The following SLC19A1 variants were observed in gnomAD, a reference collection of about 807,000 sequenced individuals.
The protein encoded by SLC19A1 is reduced folate transporter.
A neutral mutation model predicts 35.3 loss-of-function variants in SLC19A1; 37 were observed. The observed-to-expected ratio is 1.05, with a 90% CI of 0.81 to 1.38. The LOEUF is 1.38. SLC19A1 is among the 40% of genes most tolerant of loss of function. SLC19A1 has a pLI of 0.00. For synonymous variants in SLC19A1, 460 were observed against 398.5 expected, an observed-to-expected ratio of 1.15 and a Z score of -1.84; for missense variants, 831 against 826.9, an observed-to-expected ratio of 1.00 and a Z score of -0.06.
downstream of SLC19A1, chr21:45,509,289 G>A (rs1304267784): frequency 5.2e-6 from 8 of 1,531,200 alleles, no homozygotes; most frequent in Admixed American, 3.9e-5. Flanking sequence ...CCCAGAGGAG[G>A]ACACAGATGG....
upstream of SLC19A1, among the ~76,000 whole-genome samples, chr21:45,542,782 C>A (rs1203109942): frequency 6.6e-6 from 1 of 151,666 alleles, no homozygotes; most frequent in South Asian, 2.1e-4. Context: ...CCCTCTCCCC[C>A]GCGTTCTTCC....
Position 45,534,807 on chromosome 21 carries a change from TCA to T in SLC19A1, c.190-2661_190-2660del. On this transcript the variant is annotated intron_variant, in intron 2 of 5. Transcript: ENST00000311124. The surrounding 1 kb of genome is among the most constrained non-coding windows in gnomAD (Gnocchi z 4.2). ...TACAAGGCTGCTGGGGGAGGGGCCCTCACAACGGTCCCAGCAGGGAGGTGGCA... is the reference window on the plus strand; with the variant it reads ...TACAAGGCTGCTGGGGGAGGGGCCCTCAACGGTCCCAGCAGGGAGGTGGCA... The T allele has an allele frequency of 1.7e-6, 1 of 581,176 alleles. No individual in the cohort carries two copies. Among genetic ancestry groups the T allele is most frequent in the Non-Finnish European group, 3.1e-6 (1 of 325,898 alleles). 36.0% of individuals were successfully genotyped at this position (581,176 alleles called of 1,614,324 possible).
intron 1 of SLC19A1, chr21:45,541,952 G>C (rs2078319764): frequency 6.6e-6 from 1 of 152,330 alleles, no homozygotes; most frequent in African/African-American, 2.4e-5. Context: ...CGAGCGGCGG[G>C]AAACCCGCTG....
At chr21:45,507,055 C>T (rs367897880) in intron 3 of SLC19A1, 7 of 326,652 alleles carry the variant, frequency 2.1e-5, no homozygotes, top group East Asian at 6.9e-5. Context: ...TCCTAGCAAA[C>T]GCGTGCTGGG....
In SLC19A1 at chr21:45,505,922, G is replaced by T. The variant is rs1335050702; in HGVS notation, c.498-7310C>A. 1.2e-6 allele frequency: 2 copies of T among 1,613,210 alleles called. No individual in the cohort carries two copies. Among genetic ancestry groups the T allele is most frequent in the Non-Finnish European group, 1.7e-6 (2 of 1,179,964 alleles). The stretch of plus-strand genomic sequence containing the variant: ...CTGGCTCATCTTCGTGGCCGAGCAG[G>T]AGGAGCTCTACGTCCGCGTGCAGAA... On this transcript the variant is annotated intron_variant, in intron 3 of 4. Coordinates refer to the SLC19A1 transcript ENST00000417954.
At chr21:45,505,427 CAG>C in intron 3 of SLC19A1, 1 of 1,542,344 alleles carries the variant, frequency 6.5e-7, no homozygotes, top group Non-Finnish European at 8.9e-7. Context: ...GGCGCCTCCT[CAG>C]GGGTAAGTGT....
chr21:45,534,175 A>G lies in SLC19A1; in HGVS notation c.190-2027T>C, dbSNP rs2078029929. ...GTCACAGAGAGCCTCAGGGCCAGCCATCGGCTTCTGCACTGTGTTTACAGC... is the reference window on the plus strand; with the variant it reads ...GTCACAGAGAGCCTCAGGGCCAGCCGTCGGCTTCTGCACTGTGTTTACAGC... On this transcript the variant is annotated intron_variant, in intron 2 of 5. Transcript: ENST00000311124. The surrounding 1 kb of genome is among the most constrained non-coding windows in gnomAD (Gnocchi z 4.2). Among the ~76,000 whole-genome samples the G allele has an allele frequency of 6.6e-6, 1 of 152,136 alleles. No homozygotes were observed. Among genetic ancestry groups the G allele is most frequent in the Non-Finnish European group, 1.5e-5 (1 of 68,018 alleles).
intron 4 of SLC19A1, among the ~76,000 whole-genome samples, chr21:45,529,357 C>G (rs1306987691): frequency 6.6e-6 from 1 of 152,142 alleles, no homozygotes; most frequent in Non-Finnish European, 1.5e-5. Context: ...GGCTCGTGAC[C>G]AGCATAAGGC....
At chr21:45,536,346 C>T (rs1365375778) in intron 2 of SLC19A1, 3 of 152,602 alleles carry the variant, frequency 2.0e-5, no homozygotes, top group African/African-American at 7.2e-5. Context: ...TATAAATAAC[C>T]TTGGCGGTGG....
rs2146075478 is a variant in SLC19A1 at position 45,504,554 on chromosome 21, C to T, written c.498-5942G>A. 2.5e-6 allele frequency: 4 copies of T among 1,570,466 alleles called. No homozygotes were observed. Among genetic ancestry groups the T allele is most frequent in the Non-Finnish European group, 1.7e-6 (2 of 1,159,088 alleles). On this transcript the variant is annotated intron_variant, in intron 3 of 4. Coordinates refer to the SLC19A1 transcript ENST00000417954. Reference sequence around the variant, plus strand: ...AGGCCCACGTGGCTACCCTGGGATTCCAGTAAGTCCCAGCCTGTGCAGGCA... The same window carrying T: ...AGGCCCACGTGGCTACCCTGGGATTTCAGTAAGTCCCAGCCTGTGCAGGCA...
Position 45,515,176 on chromosome 21 carries a change from A to G in SLC19A1, c.*482T>C, listed in dbSNP as rs1325510757. ...TTCTACGTCAGTTAAAAAAAAAAAA[A>G]GCATCTTTCAAAAAAGCAAGAGCAC... On this transcript the variant is annotated 3_prime_UTR_variant, in exon 6 of 6. Transcript: ENST00000311124. 1.2e-5 allele frequency: 18 copies of G among 1,459,786 alleles called. No homozygotes were observed. The East Asian group carries it at 3.8e-4, about 31-fold the overall frequency. The allele number at this position is 1,459,786 out of a possible 1,614,324, so 90.4% of individuals were successfully genotyped here.
At chr21:45,528,388 G>A (rs991257739) in intron 4 of SLC19A1, among the ~76,000 whole-genome samples, 5 of 152,132 alleles carry the variant, frequency 3.3e-5, no homozygotes, top group Admixed American at 2.0e-4. Context: ...TCAGCAGGGA[G>A]GAAAGCGAGT....
chr21:45,515,211 C>A lies in SLC19A1; in HGVS notation c.*447G>T. 1 of 1,516,582 alleles carries A rather than the reference C, an allele frequency of 6.6e-7. No individual in the cohort carries two copies. 93.9% of individuals were successfully genotyped at this position (1,516,582 alleles called of 1,614,324 possible). Reference sequence around the variant, plus strand: ...AAAAAAGCAAGAGCACCAAGGATGACCAGCAATGTCACAGCTCAGCTACAC... The same window carrying A: ...AAAAAAGCAAGAGCACCAAGGATGAACAGCAATGTCACAGCTCAGCTACAC... On this transcript the variant is annotated 3_prime_UTR_variant, in exon 6 of 6. Transcript: ENST00000311124.
At chr21:45,545,737 C>T (rs1439828103), upstream of SLC19A1, among the ~76,000 whole-genome samples, 1 of 152,146 alleles carries the variant, frequency 6.6e-6, no homozygotes, top group African/African-American at 2.4e-5. Context: ...AAGACGGGCG[C>T]GGACCGGCCT....
intron 2 of SLC19A1, 52 bp downstream of exon 2, chr21:45,537,719 T>TGGGGGGCCCCCCCCC: frequency 3.1e-6 from 1 of 319,776 alleles, no homozygotes; most frequent in Non-Finnish European, 5.6e-6. Flanking sequence ...CAGACGCTGC[T>TGGGGGGCCCCCCCCC]CCCCGCCCAC....
At chr21:45,510,121 G>T, downstream of SLC19A1, 1 of 1,597,992 alleles carries the variant, frequency 6.3e-7, no homozygotes, top group Non-Finnish European at 8.5e-7. Context: ...CATCCGCGGG[G>T]CCGACTTCCA....
At chr21:45,516,803 C>T (rs979057053) in intron 5 of SLC19A1, among the ~76,000 whole-genome samples, 2 of 152,150 alleles carry the variant, frequency 1.3e-5, no homozygotes, top group African/African-American at 4.8e-5. Context: ...CTCAGGACAT[C>T]CGTGGGCAGA....
In SLC19A1 at chr21:45,516,041, G is replaced by A. The variant is rs769448820; in HGVS notation, c.1393C>T (p.Arg465Trp). ...LRHCQRGHHP[R>W]QPPAQGLRSA... The stretch of plus-strand genomic sequence containing the variant: ...CTCAGGCCCTGGGCCGGGGGCTGCC[G>A]CGGGTGGTGGCCCCGCTGGCAGTGC... Residue 465 changes from arginine to tryptophan, a missense_variant, in exon 6 of 6, where the codon CGG (arginine) becomes TGG (tryptophan). Arg to Trp is a moderately radical substitution (Grantham distance 101). Coordinates refer to ENST00000311124, the MANE Select transcript of SLC19A1 (RefSeq NM_194255.4). The A allele has an allele frequency of 3.2e-5, 50 of 1,581,946 alleles. No homozygotes were observed. The East Asian group carries it at 3.4e-4, about 11-fold the overall frequency.
intron 3 of SLC19A1, chr21:45,504,072 G>A (rs769684867): frequency 1.2e-6 from 2 of 1,613,364 alleles, no homozygotes; most frequent in Non-Finnish European, 1.7e-6. Context: ...ACCTCCCTGT[G>A]GGGTTGGGGG....
Sources: gnomAD v4.1 joint callset for allele counts (sites outside exome capture counted in the v4.1 genomes callset) on GRCh38, gnomAD v4.1.1 for gene constraint, Gnocchi (gnomAD v3.1) non-coding constraint, MANE v1.5 for transcripts, NCBI Gene and HGNC (gene_info 2026-07-23, HGNC 2026-07-21) for gene names.